ARID1B: variants seen among roughly 807,000 people sequenced by gnomAD.
The protein encoded by ARID1B is AT-rich interaction domain 1B.
ARID1B carries 30 observed loss-of-function variants against 212.3 expected under a neutral mutation model. The ratio of observed to expected loss-of-function variants is 0.14; its 90% confidence interval spans 0.11 to 0.19. The LOEUF (loss-of-function observed/expected upper bound fraction) is 0.19, where lower values mean the gene tolerates loss of function less well. Among genes scored for constraint, ARID1B ranks in the 10% least tolerant of loss-of-function variants. ARID1B has a pLI of 1.00. For synonymous variants in ARID1B, 1,402 were observed against 1,301.7 expected, an observed-to-expected ratio of 1.08 and a Z score of -1.66; for missense variants, 2,891 against 3,204.0, an observed-to-expected ratio of 0.90 and a Z score of 2.36.
intron 1 of ARID1B, among the ~76,000 whole-genome samples, chr6:156,788,129 C>A (rs1459500499): frequency 6.6e-6 from 1 of 152,048 alleles, no homozygotes; most frequent in Non-Finnish European, 1.5e-5. Flanking sequence ...TGATGCTCAG[C>A]CCCTCCCAGC....
intron 8 of ARID1B, among the ~76,000 whole-genome samples, chr6:157,157,653 C>T (rs1790662037): frequency 6.6e-6 from 1 of 152,220 alleles, no homozygotes. Flanking sequence ...AAGCAACTCA[C>T]TAAGATGCTA....
At chr6:157,196,448 G>A in intron 16 of ARID1B, 133 bp downstream of exon 16, 1 of 1,169,726 alleles carries the variant, frequency 8.5e-7, no homozygotes, top group South Asian at 1.7e-5. Context: ...AAAGTAAAGA[G>A]GCAATGGCTG....
Position 157,206,745 on chromosome 6 carries a change from G to A in ARID1B, c.5973G>A (p.Gln1991=), listed in dbSNP as rs2128394064. The change falls in exon 20 of 20, where the codon CAG becomes CAA. Residue 1991 remains glutamine (Q), a synonymous_variant. Coordinates refer to ENST00000636930, the MANE Select transcript of ARID1B (RefSeq NM_001374828.1). The surrounding 1 kb of genome is among the most constrained non-coding windows in gnomAD (Gnocchi z 6.8). ...AAGGCAAAGGCGACTCTGAAGAGCA[G>A]CAAGAGAAAAGCATCATAGCAACCA... The part of the protein sequence containing the change: ...EQEGKGDSEE[Q]QEKSIIATID... 6.2e-7 allele frequency: 1 copy of A among 1,613,212 alleles called. No homozygotes were observed. The highest frequency in any genetic ancestry group is 8.5e-7 in the Non-Finnish European group (1 of 1,180,030).
intron 7 of ARID1B, among the ~76,000 whole-genome samples, chr6:157,137,769 A>G (rs966707551): frequency 6.6e-6 from 1 of 152,208 alleles, no homozygotes; most frequent in African/African-American, 2.4e-5. Flanking sequence ...ACACACAGCC[A>G]TATGGGTCGT....
intron 2 of ARID1B, among the ~76,000 whole-genome samples, chr6:156,834,391 C>T (rs1446370550): frequency 1.3e-5 from 2 of 152,152 alleles, no homozygotes; most frequent in Non-Finnish European, 2.9e-5. Flanking sequence ...TACATTCAGA[C>T]TCTTAATTTT....
At chr6:156,921,324 A>C (rs187236459) in intron 3 of ARID1B, among the ~76,000 whole-genome samples, 143 of 152,214 alleles carry the variant, frequency 9.4e-4, no homozygotes, top group Middle Eastern at 6.8e-3. Context: ...TTTAATTTTG[A>C]TGTAATTGAT....
In ARID1B at chr6:157,046,829, C is replaced by T. The variant is rs146483714; in HGVS notation, c.2248-37833C>T. Among the ~76,000 whole-genome samples the T allele has an allele frequency of 1.1e-4, 17 of 152,274 alleles. No homozygotes were observed. In the East Asian group the frequency reaches 3.1e-3, roughly 28 times the overall value. ...GCTGCTATGGCCAGTTACTTTTCAG[C>T]ATTTTTCTCAAAGAGAAAATGTAAC... is the stretch of plus-strand genomic sequence containing the variant. On this transcript the variant is annotated intron_variant, in intron 4 of 19. Coordinates refer to ENST00000636930, the MANE Select transcript of ARID1B (RefSeq NM_001374828.1).
intron 3 of ARID1B, among the ~76,000 whole-genome samples, chr6:156,909,633 C>G (rs77955633): frequency 3.7e-4 from 57 of 152,264 alleles, no homozygotes; most frequent in Non-Finnish European, 8.8e-5. Context: ...TTCTCCTCCC[C>G]AAAATTTGTG....
At chr6:156,828,322 A>G (rs897408411) in intron 1 of ARID1B, among the ~76,000 whole-genome samples, 22 of 152,072 alleles carry the variant, frequency 1.4e-4, no homozygotes, top group African/African-American at 4.8e-4. Flanking sequence ...GAAAGTCCCC[A>G]TGTACTTACC....
At chr6:156,921,722 A>G (rs769768073) in intron 3 of ARID1B, among the ~76,000 whole-genome samples, 4 of 152,212 alleles carry the variant, frequency 2.6e-5, no homozygotes, top group Non-Finnish European at 5.9e-5. Context: ...TTCAAAAAGT[A>G]ATACATATTT....
chr6:156,956,436 G>A (rs1225695761), intron 4 of ARID1B, among the ~76,000 whole-genome samples: 1 of 152,164 alleles, frequency 6.6e-6, no homozygotes, highest in Non-Finnish European at 1.5e-5. Flanking sequence ...AGTGCTGGTA[G>A]CAGTGGAGTG....
rs1785457985 is a variant in ARID1B at position 157,094,134 on chromosome 6, G to A, written c.2491+9229G>A. Among the ~76,000 whole-genome samples the A allele has an allele frequency of 6.6e-6, 1 of 152,178 alleles. No homozygotes were observed. The highest frequency in any genetic ancestry group is 1.5e-5 in the Non-Finnish European group (1 of 68,028). Reference sequence around the variant, plus strand: ...GAACAAGAGAAGTGAAAGAAGGGCAGGGGCAAGCCATGTGAGCATCTGGGA... The same window carrying A: ...GAACAAGAGAAGTGAAAGAAGGGCAAGGGCAAGCCATGTGAGCATCTGGGA... On this transcript the variant is annotated intron_variant, in intron 5 of 19. Coordinates refer to ENST00000636930, the MANE Select transcript of ARID1B (RefSeq NM_001374828.1). The surrounding 1 kb of genome is among the most constrained non-coding windows in gnomAD (Gnocchi z 4.3).
chr6:156,963,545 T>C (rs1269494558), intron 4 of ARID1B, among the ~76,000 whole-genome samples: 1 of 152,250 alleles, frequency 6.6e-6, no homozygotes, highest in Non-Finnish European at 1.5e-5. Flanking sequence ...AGAATCTAAA[T>C]AGACTGTGTA....
chr6:157,030,820 A>G (rs1228837048), intron 4 of ARID1B, among the ~76,000 whole-genome samples: 1 of 152,158 alleles, frequency 6.6e-6, no homozygotes, highest in Non-Finnish European at 1.5e-5. Context: ...ATTGTTACCA[A>G]TATTTATTGG....
At chr6:157,056,793 A>G (rs1489277944) in intron 4 of ARID1B, among the ~76,000 whole-genome samples, 1 of 152,116 alleles carries the variant, frequency 6.6e-6, no homozygotes, top group African/African-American at 2.4e-5. Context: ...AACTTAGGCA[A>G]TTGAATTTTG....
chr6:157,003,829 T>C (rs1779041139), intron 4 of ARID1B, among the ~76,000 whole-genome samples: 1 of 152,082 alleles, frequency 6.6e-6, no homozygotes, highest in Non-Finnish European at 1.5e-5. Flanking sequence ...GCTATGACTA[T>C]AGGTGCGCAT....
chr6:156,909,711 A>T (rs886923169), intron 3 of ARID1B, among the ~76,000 whole-genome samples: 1 of 152,162 alleles, frequency 6.6e-6, no homozygotes, highest in African/African-American at 2.4e-5. Context: ...TTTTCTCTTG[A>T]TGTGGCTTAA....
chr6:157,028,087 G>C (rs1780775470), intron 4 of ARID1B, among the ~76,000 whole-genome samples: 1 of 152,106 alleles, frequency 6.6e-6, no homozygotes, highest in Non-Finnish European at 1.5e-5. Context: ...GTAAATGGTT[G>C]GGTAAATTGG....
rs1791091454 is a variant in ARID1B, at chr6:157,163,466, G to A, written c.3090-3574G>A. On this transcript the variant is annotated intron_variant, in intron 8 of 19. Coordinates refer to ENST00000636930, the MANE Select transcript of ARID1B (RefSeq NM_001374828.1). The stretch of plus-strand genomic sequence containing the variant: ...TTTTGGTATCAGGCCCATGTTGCTT[G>A]TTCAAAATTACCAAGACTCTTGGCA... Among the ~76,000 whole-genome samples the A allele has an allele frequency of 2.0e-5, 3 of 152,186 alleles. No homozygotes were observed. In the South Asian group the frequency reaches 6.2e-4, roughly 32 times the overall value.
Sources: gnomAD v4.1 joint callset for allele counts (sites outside exome capture counted in the v4.1 genomes callset) on GRCh38, gnomAD v4.1.1 for gene constraint, Gnocchi (gnomAD v3.1) non-coding constraint, MANE v1.5 for transcripts, NCBI Gene and HGNC (gene_info 2026-07-23, HGNC 2026-07-21) for gene names.